The following ZMIZ1 variants were observed in gnomAD, a reference collection of about 807,000 sequenced individuals.
ZMIZ1 encodes the protein zinc finger MIZ-type containing 1.
In ZMIZ1, 17 loss-of-function variants were observed where a neutral mutation model predicts 113.9. The ratio of observed to expected loss-of-function variants is 0.15; its 90% CI spans 0.10 to 0.22. The LOEUF (loss-of-function observed/expected upper bound fraction) is 0.22, where lower values mean the gene tolerates loss of function less well. ZMIZ1 is among the 10% of genes least tolerant of loss of function. The pLI is 1.00. For synonymous variants in ZMIZ1, 607 were observed against 603.1 expected (o/e 1.01, Z -0.09); for missense variants, 1,059 against 1,477.8 (o/e 0.72, Z 4.65).
chr10:79,124,357 G>A (rs1235182434), intron 2 of ZMIZ1, among the ~76,000 whole-genome samples: 6 of 152,244 alleles, frequency 3.9e-5, no homozygotes, highest in Non-Finnish European at 7.3e-5. Context: ...AGCACAGAGA[G>A]GTTAAGAAAC....
At chr10:79,090,676 G>C (rs938308028) in intron 1 of ZMIZ1, among the ~76,000 whole-genome samples, 1 of 152,202 alleles carries the variant, frequency 6.6e-6, no homozygotes, top group East Asian at 1.9e-4. Flanking sequence ...AGTGTGCAGC[G>C]GTGCGTTTCC....
chr10:79,114,484 T>C (rs868367399), intron 1 of ZMIZ1, among the ~76,000 whole-genome samples: 26 of 98,648 alleles, frequency 2.6e-4, no homozygotes, highest in Admixed American at 8.5e-4. Flanking sequence ...TGTCTGTGTG[T>C]GTGTGTGTGC....
At chr10:79,154,671 T>C (rs977607905) in intron 3 of ZMIZ1, among the ~76,000 whole-genome samples, 13 of 152,198 alleles carry the variant, frequency 8.5e-5, no homozygotes, top group Non-Finnish European at 1.8e-4. Context: ...GCACGGATTT[T>C]GCACCTGGAG....
Position 79,298,600 on chromosome 10 carries a change from C to G in ZMIZ1, c.1666+20C>G. 1 of 1,580,578 alleles carries G rather than the reference C, an allele frequency of 6.3e-7. No individual in the cohort carries two copies. The highest frequency in any genetic ancestry group is 8.6e-7 in the Non-Finnish European group (1 of 1,168,330). On this transcript the variant is annotated intron_variant, in intron 15 of 24. Transcript: ENST00000334512. ...CCCCAGGTGAGGGCCCTCCCTCCCTCTCTTGGCAGCTCCACCTGGGCCCCC... is the reference window on the plus strand; with the variant it reads ...CCCCAGGTGAGGGCCCTCCCTCCCTGTCTTGGCAGCTCCACCTGGGCCCCC...
chr10:79,290,207 G>T (rs1853384095), intron 9 of ZMIZ1, among the ~76,000 whole-genome samples: 2 of 152,140 alleles, frequency 1.3e-5, no homozygotes, highest in Admixed American at 6.5e-5. Flanking sequence ...CTGGCTTCAG[G>T]GCTCCAAGGT....
chr10:79,291,843 C>T (rs1451929702), intron 10 of ZMIZ1, among the ~76,000 whole-genome samples: 1 of 152,214 alleles, frequency 6.6e-6, no homozygotes, highest in Non-Finnish European at 1.5e-5. Context: ...GCAGCTGCAG[C>T]CGCAGCTCCG....
chr10:79,229,021 G>A (rs1350726843), intron 7 of ZMIZ1, among the ~76,000 whole-genome samples: 1 of 152,236 alleles, frequency 6.6e-6, no homozygotes, highest in Admixed American at 6.5e-5. Flanking sequence ...CAGGCTCTGA[G>A]ACCTACTTGC....
intron 16 of ZMIZ1, among the ~76,000 whole-genome samples, chr10:79,299,878 CT>C (rs1854172980): frequency 6.6e-6 from 1 of 152,214 alleles, no homozygotes. Flanking sequence ...AGAACCAACC[CT>C]GGGGGTGTCC....
chr10:79,240,833 C>T (rs1037679932), intron 7 of ZMIZ1, among the ~76,000 whole-genome samples: 4 of 151,866 alleles, frequency 2.6e-5, no homozygotes, highest in African/African-American at 9.7e-5. Context: ...TGGGCAATGC[C>T]ACCAGGTCTG....
intron 6 of ZMIZ1, among the ~76,000 whole-genome samples, chr10:79,211,858 A>G (rs1271774370): frequency 6.6e-6 from 1 of 152,226 alleles, no homozygotes; most frequent in Non-Finnish European, 1.5e-5. Flanking sequence ...CGGAAGACAG[A>G]GGAGACAGTG....
At chr10:79,226,667 C>G (rs1220859685) in intron 7 of ZMIZ1, among the ~76,000 whole-genome samples, 2 of 152,210 alleles carry the variant, frequency 1.3e-5, no homozygotes, top group African/African-American at 4.8e-5. Flanking sequence ...TGAAATGGAG[C>G]AGGGCCTCGG....
Position 79,154,535 on chromosome 10 carries a change from C to T in ZMIZ1, c.-130-7518C>T, listed in dbSNP as rs546524835. Among the ~76,000 whole-genome samples, 8 of 152,300 alleles carry T rather than the reference C, an allele frequency of 5.3e-5. No homozygotes were observed. In the South Asian group the frequency reaches 1.0e-3, roughly 20 times the overall value. The stretch of plus-strand genomic sequence containing the variant: ...AAGTGGCAAGGGCCCAGGTGGGTGC[C>T]GGGGGACCTGGTCTGGCCACCCCCA... On this transcript the variant is annotated intron_variant, in intron 3 of 24. Coordinates refer to ENST00000334512, the MANE Select transcript of ZMIZ1 (RefSeq NM_020338.4).
intron 7 of ZMIZ1, among the ~76,000 whole-genome samples, chr10:79,250,810 C>T (rs980510404): frequency 6.6e-6 from 1 of 152,102 alleles, no homozygotes. Flanking sequence ...GCCTGGAGAA[C>T]CCCTCGCTGA....
chr10:79,300,181 C>A (rs562937807), intron 16 of ZMIZ1, among the ~76,000 whole-genome samples: 2 of 152,374 alleles, frequency 1.3e-5, no homozygotes, highest in South Asian at 4.1e-4. Flanking sequence ...CTCACCCACG[C>A]TCCTTAGCTG....
chr10:79,120,539 G>T (rs1325771164), intron 2 of ZMIZ1, among the ~76,000 whole-genome samples: 1 of 152,198 alleles, frequency 6.6e-6, no homozygotes. Context: ...GGGTGTTGGG[G>T]CTTGAGGGCC....
At chr10:79,156,700 G>T (rs1013062308) in intron 3 of ZMIZ1, among the ~76,000 whole-genome samples, 1 of 152,216 alleles carries the variant, frequency 6.6e-6, no homozygotes, top group Non-Finnish European at 1.5e-5. Context: ...CAGGATGATT[G>T]AACCAAGCGT....
chr10:79,309,548 C>T (rs908026002), intron 23 of ZMIZ1, among the ~76,000 whole-genome samples: 16 of 152,206 alleles, frequency 1.1e-4, no homozygotes, highest in African/African-American at 3.6e-4. Flanking sequence ...GGGGCTTGGA[C>T]TGGAAGGGCA....
intron 4 of ZMIZ1, among the ~76,000 whole-genome samples, chr10:79,187,820 C>T (rs1847410726): frequency 6.6e-6 from 1 of 152,204 alleles, no homozygotes; most frequent in Admixed American, 6.5e-5. Context: ...ACCCAAGGGC[C>T]TCCCTCTGGG....
At chr10:79,195,982 C>A (rs1847816290) in intron 4 of ZMIZ1, among the ~76,000 whole-genome samples, 1 of 152,084 alleles carries the variant, frequency 6.6e-6, no homozygotes, top group South Asian at 2.1e-4. Context: ...ATGGAAGATC[C>A]CAGCCTGCCC....
Sources: allele counts gnomAD v4.1 joint callset (sites outside exome capture counted in the v4.1 genomes callset), GRCh38; gene constraint gnomAD v4.1.1; transcripts MANE v1.5; gene names NCBI Gene and HGNC (gene_info 2026-07-23, HGNC 2026-07-21).